The following XRCC1 variants were observed in gnomAD, a reference collection of about 807,000 sequenced individuals.
The protein encoded by XRCC1 is X-ray repair cross complementing 1.
In XRCC1, 52 loss-of-function variants were observed where a neutral mutation model predicts 83.3. The ratio of observed to expected loss-of-function variants is 0.62; its 90% CI spans 0.50 to 0.79. The LOEUF (loss-of-function observed/expected upper bound fraction) is 0.79. Among genes scored for constraint, XRCC1 ranks in the 30% least tolerant of loss-of-function variants. The pLI, the probability that XRCC1 is intolerant of heterozygous loss-of-function variation, is 0.00. For missense variants in XRCC1, 793 were observed against 823.5 expected (o/e 0.96, Z 0.45); for synonymous variants, 281 against 312.6 (o/e 0.90, Z 1.07).
Position 43,568,739 on chromosome 19 carries a change from TGAGGGAGCAGGAGTTGGG to T in XRCC1, c.144+6153_144+6170del, listed in dbSNP as rs3213281. Reference sequence around the variant, plus strand: ...TGGTGGTTGCATCAGGAGAGAAGAATGAGGGAGCAGGAGTTGGGGAGGGAGCAGGAGTTGGGGAGGGAG... The same window carrying T: ...TGGTGGTTGCATCAGGAGAGAAGAATGAGGGAGCAGGAGTTGGGGAGGGAG... On this transcript the variant is annotated intron_variant, in intron 2 of 16. Transcript: ENST00000262887. Among the ~76,000 whole-genome samples the T allele has an allele frequency of 7.4e-3, 1,101 of 148,206 alleles. 10 individuals carry two copies. Among genetic ancestry groups the T allele is most frequent in the African/African-American group, 0.024 (962 of 40,166 alleles).
At position 43,552,220 on chromosome 19, in the gene XRCC1, C is replaced by T. The variant is rs201296138; in HGVS notation, c.879G>A (p.Gly293=). 13 of 1,613,674 alleles carry T rather than the reference C, an allele frequency of 8.1e-6. No homozygotes were observed. The highest frequency in any genetic ancestry group is 1.1e-5 in the Non-Finnish European group (13 of 1,179,874). ...ATAPVPARAQ[G]AVTGKPRGEG... ...CTCCTCGGGGTTTGCCTGTCACTGCCCCCTGTGCTCGGGCAGGGACTGGGG... is the reference window on the plus strand; with the variant it reads ...CTCCTCGGGGTTTGCCTGTCACTGCTCCCTGTGCTCGGGCAGGGACTGGGG... The change falls in exon 9 of 17, where the codon GGG becomes GGA. Residue 293 remains glycine (G), a synonymous_variant. Coordinates refer to ENST00000262887, the MANE Select transcript of XRCC1 (RefSeq NM_006297.3).
chr19:43,572,382 T>C (rs1972813743), intron 2 of XRCC1, among the ~76,000 whole-genome samples: 2 of 152,340 alleles, frequency 1.3e-5, no homozygotes, highest in African/African-American at 4.8e-5. Flanking sequence ...TTATTCCCAA[T>C]GGACACATGA....
chr19:43,547,544 G>T (rs780283587), intron 10 of XRCC1, among the ~76,000 whole-genome samples: 2 of 147,556 alleles, frequency 1.4e-5, no homozygotes, highest in Non-Finnish European at 3.0e-5. Flanking sequence ...GCAGTGGCGT[G>T]ATCTTGGCTC....
intron 2 of XRCC1, among the ~76,000 whole-genome samples, chr19:43,573,814 G>A (rs926817462): frequency 4.6e-5 from 7 of 152,172 alleles, no homozygotes; most frequent in African/African-American, 1.7e-4. Flanking sequence ...GGTAGAGGCT[G>A]CAGTGAGCCA....
chr19:43,562,189 A>ACT (rs1025584827), intron 2 of XRCC1, among the ~76,000 whole-genome samples: 1 of 149,936 alleles, frequency 6.7e-6, no homozygotes, highest in African/African-American at 2.5e-5. Flanking sequence ...TCCACCCTAC[A>ACT]CTGCCCTCTC....
Position 43,554,674 on chromosome 19 carries a change from T to G in XRCC1, c.386A>C (p.Lys129Thr). 1.9e-6 allele frequency: 3 copies of G among 1,613,216 alleles called. No homozygotes were observed. The highest frequency in any genetic ancestry group is 2.5e-6 in the Non-Finnish European group (3 of 1,179,464). The change falls in exon 4 of 17, where the codon AAA becomes ACA. Residue 129 changes from lysine to threonine, a missense_variant. Transcript: ENST00000262887. ...GCTGTAGGGCTGGCTGCAAACAATT[T>G]TGACCCGGTCCCAGCGCTTCTCGGC... ...AAAEKRWDRV[K>T]IVCSQPYSKD...
chr19:43,548,422 G>GT (rs1225838148), intron 10 of XRCC1, among the ~76,000 whole-genome samples: 1 of 152,254 alleles, frequency 6.6e-6, no homozygotes, highest in Non-Finnish European at 1.5e-5. Flanking sequence ...ATTTTGTTCT[G>GT]TACTAAGAAA....
In XRCC1 at chr19:43,564,222, G is replaced by A. The variant is rs147180185; in HGVS notation, c.145-3202C>T. Among the ~76,000 whole-genome samples, 597 of 152,278 alleles carry A rather than the reference G, an allele frequency of 3.9e-3. 1 individual carries two copies. The highest frequency in any genetic ancestry group is 0.014 in the African/African-American group (576 of 41,552). ...ATCATTAACACAGCAGGCCTCTACT[G>A]CATTCCCAATGGATGTACAGACAGA... On this transcript the variant is annotated intron_variant, in intron 2 of 16. Coordinates refer to ENST00000262887, the MANE Select transcript of XRCC1 (RefSeq NM_006297.3).
In XRCC1 at chr19:43,562,743, C is replaced by CAA. The variant is rs567584400; in HGVS notation, c.145-1725_145-1724dup. ...CGACAGAGTGATGAGACCTTGTCTT[C>CAA]AAAAAAAAACTTACCCTCCCTCTGA... is the stretch of plus-strand genomic sequence containing the variant. On this transcript the variant is annotated intron_variant, in intron 2 of 16. Coordinates refer to ENST00000262887, the MANE Select transcript of XRCC1 (RefSeq NM_006297.3). 4.6e-3 allele frequency among the ~76,000 whole-genome samples: 696 copies of CAA among 150,862 alleles called. 6 individuals carry two copies. Among genetic ancestry groups the CAA allele is most frequent in the African/African-American group, 0.016 (668 of 41,114 alleles).
At position 43,552,001 on chromosome 19, in the gene XRCC1, G is replaced by T. The variant is rs25492; in HGVS notation, c.1082+16C>A. The T allele has an allele frequency of 4.0e-5, 64 of 1,612,154 alleles. No individual in the cohort carries two copies. The highest frequency in any genetic ancestry group is 1.6e-4 in the Middle Eastern group (1 of 6,070). The stretch of plus-strand genomic sequence containing the variant: ...GGAGAAACTGCAGCGGCGCAGGGAG[G>T]GGGGCGCAAGCCTACATGAGGTGCG... On this transcript the variant is annotated intron_variant, in intron 9 of 16. Transcript: ENST00000262887.
chr19:43,571,645 A>G (rs1018306707), intron 2 of XRCC1, among the ~76,000 whole-genome samples: 4 of 152,232 alleles, frequency 2.6e-5, no homozygotes, highest in African/African-American at 9.6e-5. Context: ...CTGGGACCAC[A>G]GGCATAGGCC....
intron 3 of XRCC1, among the ~76,000 whole-genome samples, chr19:43,555,701 C>T (rs190006585): frequency 2.6e-5 from 4 of 152,110 alleles, no homozygotes; most frequent in African/African-American, 9.7e-5. Flanking sequence ...CTACTCCCTG[C>T]GGTTGCTTCT....
At chr19:43,558,143 GTTTTC>G (rs1972658007) in intron 3 of XRCC1, among the ~76,000 whole-genome samples, 1 of 152,168 alleles carries the variant, frequency 6.6e-6, no homozygotes, top group Admixed American at 6.5e-5. Context: ...AAAAAAGATA[GTTTTC>G]TTTTTTCTTT....
In XRCC1 at chr19:43,543,341, CGTGTGTGTGTGTGTGTGTGT is replaced by C. The variant is rs45592142; in HGVS notation, c.*31_*50del. ...ACCAACTCATCTTTATTAAATGCATCGTGTGTGTGTGTGTGTGTGTGTGTGTGTGTGTGTGTGTATAGCAC... is the reference window on the plus strand; with the variant it reads ...ACCAACTCATCTTTATTAAATGCATCGTGTGTGTGTGTGTGTGTATAGCAC... On this transcript the variant is annotated 3_prime_UTR_variant, in exon 17 of 17. Coordinates refer to ENST00000262887, the MANE Select transcript of XRCC1 (RefSeq NM_006297.3). The C allele has an allele frequency of 3.6e-5, 38 of 1,044,460 alleles. No homozygotes were observed. The highest frequency in any genetic ancestry group is 5.4e-5 in the South Asian group (4 of 74,750). The allele number at this position is 1,044,460 out of a possible 1,614,324, so 64.7% of individuals were successfully genotyped here. A position where few individuals can be genotyped will look rare whatever the true frequency, so the allele number is the denominator to read the frequency against.
intron 2 of XRCC1, among the ~76,000 whole-genome samples, chr19:43,572,927 CTTT>C (rs1015971628): frequency 1.1e-5 from 1 of 91,150 alleles, no homozygotes; most frequent in African/African-American, 4.5e-5. Flanking sequence ...GAGATCTTTT[CTTT>C]TTTTTTTTTT....
chr19:43,575,047 A>C (rs1315258438), intron 1 of XRCC1, 45 bp from the exon 2 acceptor site: 1 of 1,489,990 alleles, frequency 6.7e-7, no homozygotes, highest in South Asian at 1.1e-5. Context: ...CAGAGATGAC[A>C]GCTAGGCCTC....
Position 43,543,366 on chromosome 19 carries a change from G to GTT in XRCC1, c.*25_*26insAA, listed in dbSNP as rs1568510053. ...CGTGTGTGTGTGTGTGTGTGTGTGT[G>GTT]TGTGTGTGTGTGTATAGCACATACT... On this transcript the variant is annotated 3_prime_UTR_variant, in exon 17 of 17. Coordinates refer to ENST00000262887, the MANE Select transcript of XRCC1 (RefSeq NM_006297.3). The GTT allele has an allele frequency of 6.4e-6, 9 of 1,414,582 alleles. No individual in the cohort carries two copies. Among genetic ancestry groups the GTT allele is most frequent in the Admixed American group, 1.7e-5 (1 of 58,006 alleles). The allele number at this position is 1,414,582 out of a possible 1,614,324, so 87.6% of individuals were successfully genotyped here.
intron 2 of XRCC1, among the ~76,000 whole-genome samples, chr19:43,573,636 G>A (rs1972825722): frequency 2.6e-5 from 4 of 152,234 alleles, no homozygotes; most frequent in Admixed American, 6.5e-5. Context: ...ACTTTGGGAG[G>A]CTGAAGCAGG....
chr19:43,550,429 T>C (rs1338846142), intron 10 of XRCC1, among the ~76,000 whole-genome samples: 4 of 152,266 alleles, frequency 2.6e-5, no homozygotes, highest in African/African-American at 9.6e-5. Flanking sequence ...TGAAGCTGCA[T>C]GGAGCCCAGT....
Sources: gnomAD v4.1 joint callset for allele counts (sites outside exome capture counted in the v4.1 genomes callset) on GRCh38, gnomAD v4.1.1 for gene constraint, MANE v1.5 for transcripts, NCBI Gene and HGNC (gene_info 2026-07-23, HGNC 2026-07-21) for gene names.